The following SPATS2L variants were observed in gnomAD, a reference collection of about 807,000 sequenced individuals.
SPATS2L encodes spermatogenesis associated serine rich 2 like.
Under a neutral mutation model 59.6 loss-of-function variants are expected in SPATS2L, and 30 were observed. That is an observed-to-expected ratio of 0.50 (90% CI 0.38 to 0.68). SPATS2L has a LOEUF of 0.68. Ranked by LOEUF, SPATS2L falls within the 30% of genes least tolerant of loss-of-function variation. SPATS2L has a pLI of 0.00. For synonymous variants in SPATS2L, 252 were observed against 263.5 expected (o/e 0.96, Z 0.42); for missense variants, 615 against 700.0 (o/e 0.88, Z 1.37).
chr2:200,340,344 T>G (rs1189200872), intron 2 of SPATS2L, among the ~76,000 whole-genome samples: 3 of 152,244 alleles, frequency 2.0e-5, no homozygotes, highest in Non-Finnish European at 2.9e-5. Context: ...CTGCTGGGTA[T>G]GTCTGTTCCT....
chr2:200,332,714 A>G (rs1432638698), intron 2 of SPATS2L, among the ~76,000 whole-genome samples: 1 of 150,968 alleles, frequency 6.6e-6, no homozygotes, highest in Admixed American at 6.7e-5. Context: ...TGCCCAAAGA[A>G]TGAATTACTG....
intron 5 of SPATS2L, among the ~76,000 whole-genome samples, chr2:200,418,875 T>A (rs2106009165): frequency 1.3e-5 from 2 of 152,306 alleles, no homozygotes; most frequent in Middle Eastern, 6.8e-3. Context: ...CACTTTGAGA[T>A]GAGAGCTACT....
intron 2 of SPATS2L, among the ~76,000 whole-genome samples, chr2:200,386,329 T>C (rs761123298): frequency 6.6e-6 from 1 of 152,120 alleles, no homozygotes; most frequent in Non-Finnish European, 1.5e-5. Context: ...GCATTTTTCT[T>C]CCACAAAAAA....
intron 3 of SPATS2L, among the ~76,000 whole-genome samples, chr2:200,398,950 C>T (rs1313067589): frequency 2.0e-5 from 3 of 152,122 alleles, no homozygotes; most frequent in Non-Finnish European, 2.9e-5. Context: ...TTCTGATGCC[C>T]TCCTGTCTTA....
chr2:200,437,783 T>C (rs1332278094), intron 6 of SPATS2L, among the ~76,000 whole-genome samples: 1 of 152,236 alleles, frequency 6.6e-6, no homozygotes, highest in African/African-American at 2.4e-5. Context: ...ATATTGATCA[T>C]GAATGGACTA....
chr2:200,308,475 A>C (rs924054051), intron 1 of SPATS2L, among the ~76,000 whole-genome samples: 4 of 152,210 alleles, frequency 2.6e-5, no homozygotes, highest in Admixed American at 6.5e-5. Flanking sequence ...TATTTGGACA[A>C]GGCAAATACT....
At chr2:200,448,293 T>C (rs991158560) in intron 8 of SPATS2L, among the ~76,000 whole-genome samples, 2 of 151,982 alleles carry the variant, frequency 1.3e-5, no homozygotes, top group Admixed American at 1.3e-4. Flanking sequence ...AATACAAAAA[T>C]AAGCCCGGTG....
intron 5 of SPATS2L, among the ~76,000 whole-genome samples, chr2:200,418,633 A>C (rs1244082522): frequency 6.6e-6 from 1 of 151,648 alleles, no homozygotes; most frequent in African/African-American, 2.4e-5. Context: ...GGGGATGATT[A>C]TGGATCCTGT....
intron 2 of SPATS2L, among the ~76,000 whole-genome samples, chr2:200,356,736 ATACTC>A (rs2080929371): frequency 6.6e-6 from 1 of 152,336 alleles, no homozygotes; most frequent in East Asian, 1.9e-4. Context: ...GTATAACAGA[ATACTC>A]TAGATTGTGT....
intron 2 of SPATS2L, among the ~76,000 whole-genome samples, chr2:200,374,196 GTAAATA>G (rs2081524066): frequency 6.6e-6 from 1 of 152,134 alleles, no homozygotes; most frequent in Non-Finnish European, 1.5e-5. Flanking sequence ...TGGCCTCCCA[GTAAATA>G]TTTATTAACT....
intron 6 of SPATS2L, among the ~76,000 whole-genome samples, chr2:200,431,156 G>A (rs2083907342): frequency 6.6e-6 from 1 of 152,158 alleles, no homozygotes; most frequent in Non-Finnish European, 1.5e-5. Flanking sequence ...TAGTTTTTAA[G>A]TTATTAATAT....
intron 4 of SPATS2L, among the ~76,000 whole-genome samples, chr2:200,413,226 G>A (rs1020890267): frequency 6.6e-6 from 1 of 152,092 alleles, no homozygotes; most frequent in Non-Finnish European, 1.5e-5. Flanking sequence ...TAAGAGGACT[G>A]GTTTATTCTT....
chr2:200,363,685 T>C (rs1048492165), intron 2 of SPATS2L, among the ~76,000 whole-genome samples: 1 of 152,214 alleles, frequency 6.6e-6, no homozygotes, highest in Admixed American at 6.5e-5. Flanking sequence ...AGCTGGTCAT[T>C]TGTTTGATAT....
At chr2:200,357,908 A>T (rs1467559716) in intron 2 of SPATS2L, among the ~76,000 whole-genome samples, 3 of 152,188 alleles carry the variant, frequency 2.0e-5, no homozygotes, top group East Asian at 3.9e-4. Flanking sequence ...CATCAGTTTG[A>T]ATTTATAACT....
At chr2:200,400,616 C>CT (rs1323109022) in intron 3 of SPATS2L, among the ~76,000 whole-genome samples, 1 of 152,020 alleles carries the variant, frequency 6.6e-6, no homozygotes, top group African/African-American at 2.4e-5. Flanking sequence ...TTTAATTTTA[C>CT]TTTTTTGTGT....
intron 11 of SPATS2L, 102 bp from the exon 12 acceptor site, chr2:200,472,730 A>C: frequency 3.1e-6 from 3 of 982,088 alleles, no homozygotes; most frequent in South Asian, 1.5e-5. Context: ...GTTTTTGTGG[A>C]GCTCCTGGCC....
intron 6 of SPATS2L, among the ~76,000 whole-genome samples, chr2:200,431,835 T>G (rs937880627): frequency 3.9e-5 from 6 of 152,236 alleles, no homozygotes; most frequent in African/African-American, 1.4e-4. Context: ...TTGTTTTCTT[T>G]GGCACTGCTA....
chr2:200,335,198 GTA>G (rs1467781569), intron 2 of SPATS2L, among the ~76,000 whole-genome samples: 8 of 152,076 alleles, frequency 5.3e-5, no homozygotes, highest in African/African-American at 1.9e-4. Flanking sequence ...GCTAAGGTGT[GTA>G]TATTCAAGTG....
intron 8 of SPATS2L, among the ~76,000 whole-genome samples, chr2:200,450,932 T>C (rs1474615439): frequency 6.6e-6 from 1 of 151,938 alleles, no homozygotes; most frequent in East Asian, 1.9e-4. Context: ...ATTTGCCAGA[T>C]GGAGAAGGAA....
Sources: allele counts gnomAD v4.1 joint callset (sites outside exome capture counted in the v4.1 genomes callset), GRCh38; gene constraint gnomAD v4.1.1; transcripts MANE v1.5; gene names NCBI Gene and HGNC (gene_info 2026-07-23, HGNC 2026-07-21).